Variants in FZD3 observed in about 807,000 individuals in gnomAD.
FZD3 encodes frizzled-3.
FZD3 carries 30 observed loss-of-function variants against 60.7 expected under a neutral mutation model. The ratio of observed to expected loss-of-function variants is 0.49; its 90% CI spans 0.37 to 0.67. The LOEUF is 0.67. FZD3 is among the 30% of genes least tolerant of loss of function. The probability of loss-of-function intolerance (pLI) is 0.00; values close to 1 mark genes in which losing one functional copy is unlikely to be tolerated. For missense variants in FZD3, 605 were observed against 838.7 expected, an observed-to-expected ratio of 0.72 and a Z score of 3.44; for synonymous variants, 246 against 275.2, an observed-to-expected ratio of 0.89 and a Z score of 1.05.
chr8:28,522,308 G>A (rs1337963123), intron 4 of FZD3, among the ~76,000 whole-genome samples: 2 of 151,762 alleles, frequency 1.3e-5, no homozygotes, highest in Non-Finnish European at 2.9e-5. Context: ...AGGACCTGCT[G>A]TATGGTTTCT....
intron 7 of FZD3, among the ~76,000 whole-genome samples, chr8:28,556,293 C>T (rs1381868919): frequency 6.6e-6 from 1 of 152,142 alleles, no homozygotes; most frequent in Non-Finnish European, 1.5e-5. Flanking sequence ...CCTGAGAATA[C>T]AAAGATGACT....
intron 5 of FZD3, among the ~76,000 whole-genome samples, chr8:28,533,527 G>T (rs1051519858): frequency 6.6e-6 from 1 of 152,036 alleles, no homozygotes; most frequent in Non-Finnish European, 1.5e-5. Context: ...TAACCAGGTT[G>T]GTCATTCACA....
intron 6 of FZD3, among the ~76,000 whole-genome samples, chr8:28,553,369 T>C (rs1805448105): frequency 6.6e-6 from 1 of 152,230 alleles, no homozygotes; most frequent in Non-Finnish European, 1.5e-5. Flanking sequence ...TTTCTTAGAG[T>C]GTCCTCCCTT....
At chr8:28,499,146 T>C (rs1585938040) in intron 1 of FZD3, among the ~76,000 whole-genome samples, 1 of 152,206 alleles carries the variant, frequency 6.6e-6, no homozygotes, top group East Asian at 1.9e-4. Context: ...CAAAATAATG[T>C]ACTATAGGTT....
At position 28,551,738 on chromosome 8, in the gene FZD3, C is replaced by T. The variant is rs531633095; in HGVS notation, c.1540C>T (p.Arg514Cys). 8.1e-6 allele frequency: 13 copies of T among 1,599,996 alleles called. No homozygotes were observed. Among genetic ancestry groups the T allele is most frequent in the African/African-American group, 1.4e-5 (1 of 73,740 alleles). The change falls in exon 6 of 8, where the codon CGT becomes TGT. Residue 514 changes from arginine (R) to cysteine (C), a missense_variant. Arg to Cys is a radical substitution (Grantham distance 180). Coordinates refer to ENST00000240093, the MANE Select transcript of FZD3 (RefSeq NM_017412.4). ...TGAATGGGCCAGTTTTTTTCATGGTCGTAGGAAAAAAGAGTAAGTTGAAAT... is the reference window on the plus strand; with the variant it reads ...TGAATGGGCCAGTTTTTTTCATGGTTGTAGGAAAAAAGAGTAAGTTGAAAT... ...CFEWASFFHG[R>C]RKKEIVNESR...
chr8:28,521,641 AT>A (rs1804583355), intron 4 of FZD3, among the ~76,000 whole-genome samples: 1 of 152,064 alleles, frequency 6.6e-6, no homozygotes, highest in Admixed American at 6.5e-5. Context: ...TTTATGTTGA[AT>A]TTGTTTTAAA....
rs1156831693 is a variant in FZD3 at position 28,520,846 on chromosome 8, A to G, written c.386+12A>G. The G allele has an allele frequency of 2.7e-6, 4 of 1,464,114 alleles. No homozygotes were observed. The highest frequency in any genetic ancestry group is 4.6e-5 in the East Asian group (2 of 43,464). The allele number at this position is 1,464,114 out of a possible 1,614,324, so 90.7% of individuals were successfully genotyped here. The stretch of plus-strand genomic sequence containing the variant: ...ATGGAATGCAGTAGGTGCGAAAATC[A>G]TAGATTTTCATGGATCATTTCTTAT... On this transcript the variant is annotated intron_variant, in intron 4 of 7. Transcript: ENST00000240093.
intron 6 of FZD3, 60 bp from the exon 7 acceptor site, chr8:28,555,678 T>C: frequency 1.1e-6 from 1 of 912,528 alleles, no homozygotes; most frequent in East Asian, 2.4e-5. Context: ...CAGAGAAGTA[T>C]TGCTTATTGG....
At chr8:28,521,033 G>T (rs1193869815) in intron 4 of FZD3, among the ~76,000 whole-genome samples, 199 bp downstream of exon 4, 1 of 152,140 alleles carries the variant, frequency 6.6e-6, no homozygotes, top group Non-Finnish European at 1.5e-5. Context: ...AAACATTTCT[G>T]TGAAGAAGTT....
Position 28,503,087 on chromosome 8 carries a change from T to C in FZD3, c.74T>C (p.Leu25Ser). 2 of 1,613,666 alleles carry C rather than the reference T, an allele frequency of 1.2e-6. No homozygotes were observed. Among genetic ancestry groups the C allele is most frequent in the Non-Finnish European group, 1.7e-6 (2 of 1,179,554 alleles). ...ATGGGGCATATAGGTGGGCACAGTT[T>C]GTTTTCTTGTGAACCTATTACCTTG... The part of the protein sequence containing the change: ...VFMGHIGGHS[L>S]FSCEPITLRM... Residue 25 changes from leucine to serine, a missense_variant, in exon 3 of 8, where the codon TTG (leucine) becomes TCG (serine). Leu to Ser is a moderately radical substitution (Grantham distance 145). Transcript: ENST00000240093.
At position 28,548,872 on chromosome 8, in the gene FZD3, G is replaced by T. The variant is rs373721410; in HGVS notation, c.1405-2731G>T. 1.5e-3 allele frequency among the ~76,000 whole-genome samples: 235 copies of T among 152,146 alleles called. 5 individuals are homozygous for T. Among genetic ancestry groups the T allele is most frequent in the South Asian group, 0.012 (58 of 4,806 alleles). On this transcript the variant is annotated intron_variant, in intron 5 of 7. Coordinates refer to ENST00000240093, the MANE Select transcript of FZD3 (RefSeq NM_017412.4). ...TCTAACTAAGAACATGTTTGAAGTG[G>T]GGTGTGTTTTAAAACATCTTCAAAC...
At position 28,511,674 on chromosome 8, in the gene FZD3, C is replaced by T. The variant is rs112869558; in HGVS notation, c.189+8472C>T. 4.2e-3 allele frequency among the ~76,000 whole-genome samples: 640 copies of T among 152,246 alleles called. 3 individuals carry two copies. Among genetic ancestry groups the T allele is most frequent in the African/African-American group, 0.015 (616 of 41,540 alleles). On this transcript the variant is annotated intron_variant, in intron 3 of 7. Transcript: ENST00000240093. The stretch of plus-strand genomic sequence containing the variant: ...TTTGGTAATATCTTAATTTTCAAGG[C>T]GTGGTGTGGATGTTATTTCCTTAAG...
At chr8:28,522,846 T>C (rs1464733055) in intron 4 of FZD3, among the ~76,000 whole-genome samples, 1 of 147,500 alleles carries the variant, frequency 6.8e-6, no homozygotes, top group Admixed American at 6.9e-5. Context: ...CTTGGCTCAC[T>C]GCAACCTCCA....
chr8:28,529,195 C>G (rs181782283), intron 5 of FZD3, among the ~76,000 whole-genome samples: 2 of 152,206 alleles, frequency 1.3e-5, no homozygotes, highest in Non-Finnish European at 2.9e-5. Flanking sequence ...CTGGTATTAA[C>G]AGGCGTTAGT....
intron 1 of FZD3, among the ~76,000 whole-genome samples, chr8:28,496,601 CATT>C (rs1482235319): frequency 6.6e-6 from 1 of 152,080 alleles, no homozygotes; most frequent in African/African-American, 2.4e-5. Context: ...CGAGGAAAGA[CATT>C]AGATTTTCAG....
In FZD3 at chr8:28,573,853, A is replaced by G. The variant is rs957750943; in HGVS notation, c.*10842A>G. ...TTTAGTTTTCCAAACTTTATTCTGAATCAAATTGCTGAGGTGATTCTAAAT... is the reference window on the plus strand; with the variant it reads ...TTTAGTTTTCCAAACTTTATTCTGAGTCAAATTGCTGAGGTGATTCTAAAT... On this transcript the variant is annotated 3_prime_UTR_variant, in exon 8 of 8. Transcript: ENST00000240093. 2 of 152,158 alleles carry G rather than the reference A, an allele frequency of 1.3e-5. No individual in the cohort carries two copies. The highest frequency in any genetic ancestry group is 4.8e-5 in the African/African-American group (2 of 41,440). The allele number at this position is 152,158 out of a possible 1,614,324, so 9.4% of individuals were successfully genotyped here. A position where few individuals can be genotyped will look rare whatever the true frequency, so the allele number is the denominator to read the frequency against.
chr8:28,522,457 T>C (rs1038988749), intron 4 of FZD3, among the ~76,000 whole-genome samples: 3 of 152,208 alleles, frequency 2.0e-5, no homozygotes, highest in African/African-American at 7.2e-5. Flanking sequence ...CCCTTTTGTT[T>C]AGCCCCATCT....
At chr8:28,534,660 C>T (rs1306089084) in intron 5 of FZD3, among the ~76,000 whole-genome samples, 2 of 152,190 alleles carry the variant, frequency 1.3e-5, no homozygotes, top group African/African-American at 4.8e-5. Context: ...TACTTTGTCT[C>T]TATTAATTTA....
intron 7 of FZD3, among the ~76,000 whole-genome samples, chr8:28,559,292 T>G (rs1482850629): frequency 6.6e-6 from 1 of 152,266 alleles, no homozygotes; most frequent in East Asian, 1.9e-4. Flanking sequence ...AAACAAGACC[T>G]TGGGAAATAT....
Sources: gnomAD v4.1 joint callset for allele counts (sites outside exome capture counted in the v4.1 genomes callset) on GRCh38, gnomAD v4.1.1 for gene constraint, MANE v1.5 for transcripts, NCBI Gene and HGNC (gene_info 2026-07-23, HGNC 2026-07-21) for gene names.